The following ARL6IP5 variants were observed in gnomAD, a reference collection of about 807,000 sequenced individuals.
The protein encoded by ARL6IP5 is ARF like GTPase 6 interacting protein 5, also known as PRA1 family protein 3.
In ARL6IP5, 6 loss-of-function variants were observed where a neutral mutation model predicts 13.0. The ratio of observed to expected loss-of-function variants is 0.46; its 90% CI spans 0.25 to 0.91. The LOEUF is 0.91. ARL6IP5 is among the 40% of genes least tolerant of loss of function. The pLI is 0.17. For missense variants in ARL6IP5, 208 were observed against 248.8 expected, an observed-to-expected ratio of 0.84 and a Z score of 1.10; for synonymous variants, 91 against 91.9, an observed-to-expected ratio of 0.99 and a Z score of 0.06.
chr3:69,097,783 G>T (rs2092291520), intron 1 of ARL6IP5, among the ~76,000 whole-genome samples: 2 of 152,228 alleles, frequency 1.3e-5, no homozygotes, highest in Non-Finnish European at 2.9e-5. Flanking sequence ...CATGTGCTGG[G>T]TATTGGGGAA....
intron 1 of ARL6IP5, among the ~76,000 whole-genome samples, chr3:69,092,623 C>T (rs533764534): frequency 6.6e-6 from 1 of 152,120 alleles, no homozygotes; most frequent in Non-Finnish European, 1.5e-5. Context: ...GCACGCACAA[C>T]TATGCCTGGC....
At chr3:69,088,998 G>C (rs1353278704) in intron 1 of ARL6IP5, among the ~76,000 whole-genome samples, 3 of 152,200 alleles carry the variant, frequency 2.0e-5, no homozygotes. Flanking sequence ...CAGTGTGTGA[G>C]CCATGGAACA....
At chr3:69,089,725 T>C in intron 1 of ARL6IP5, 1 of 451,286 alleles carries the variant, frequency 2.2e-6, no homozygotes, top group Non-Finnish European at 4.5e-6. Context: ...ACACAGAATT[T>C]GCAACATATA....
At chr3:69,100,375 G>A (rs879535868) in intron 1 of ARL6IP5, among the ~76,000 whole-genome samples, 8 of 152,134 alleles carry the variant, frequency 5.3e-5, no homozygotes, top group Non-Finnish European at 1.0e-4. Flanking sequence ...GATACTTTGG[G>A]CATTTTAAAA....
At chr3:69,092,740 G>A (rs1326723421) in intron 1 of ARL6IP5, among the ~76,000 whole-genome samples, 3 of 151,626 alleles carry the variant, frequency 2.0e-5, no homozygotes, top group East Asian at 1.9e-4. Context: ...GGCTGGTGTC[G>A]AACTCCTAGC....
At chr3:69,097,885 C>T (rs2092291845) in intron 1 of ARL6IP5, among the ~76,000 whole-genome samples, 8 of 152,148 alleles carry the variant, frequency 5.3e-5, no homozygotes, top group Admixed American at 5.2e-4. Flanking sequence ...AACAGCTTCG[C>T]TGTGGTTCAT....
At chr3:69,086,762 G>A (rs773081666) in intron 1 of ARL6IP5, among the ~76,000 whole-genome samples, 2 of 144,294 alleles carry the variant, frequency 1.4e-5, no homozygotes, top group Non-Finnish European at 3.0e-5. Flanking sequence ...TCGTTCTGTC[G>A]CCCAGGCTGG....
At chr3:69,091,193 C>A (rs963196916) in intron 1 of ARL6IP5, among the ~76,000 whole-genome samples, 4 of 151,932 alleles carry the variant, frequency 2.6e-5, no homozygotes, top group Admixed American at 6.6e-5. Flanking sequence ...GAGTGAGACG[C>A]CGTGTAAAAA....
At position 69,096,089 on chromosome 3, in the gene ARL6IP5, T is replaced by TC. The variant is rs796615850; in HGVS notation, c.177-5750_177-5749insC. Among the ~76,000 whole-genome samples, 15 of 152,276 alleles carry TC rather than the reference T, an allele frequency of 9.9e-5. 1 individual carries two copies. The highest frequency in any genetic ancestry group is 3.6e-4 in the African/African-American group (15 of 41,558). ...CAAATACAGGTAAGTGCCAGGGCAT[T>TC]GGAGTGGTATACATTTTATCAGATA... On this transcript the variant is annotated intron_variant, in intron 1 of 2. Transcript: ENST00000273258.
In ARL6IP5 at chr3:69,085,129, G is replaced by T; in HGVS notation, c.82G>T (p.Asp28Tyr). ...SDRFARPDFR[D>Y]ISKWNNRVVS... is the part of the protein sequence containing the mutation. ...TCGCTTTGCCCGGCCGGACTTCAGG[G>T]ACATTTCCAAATGGAACAACCGCGT... Residue 28 changes from aspartate to tyrosine, a missense_variant, in exon 1 of 3, where the codon GAC becomes TAC. Asp to Tyr is a radical substitution (Grantham distance 160). Transcript: ENST00000273258. 1 of 1,614,228 alleles carries T rather than the reference G, an allele frequency of 6.2e-7. No individual in the cohort carries two copies.
intron 1 of ARL6IP5, among the ~76,000 whole-genome samples, chr3:69,099,139 G>A (rs1003285259): frequency 1.5e-4 from 6 of 40,582 alleles, no homozygotes; most frequent in South Asian, 1.1e-3. Context: ...CGGGGGGGGT[G>A]GGGGGTGGAT....
In ARL6IP5 at chr3:69,105,808, T is replaced by C. The variant is rs1027915842; in HGVS notation, c.*1172T>C. The C allele has an allele frequency of 6.6e-6, 1 of 152,238 alleles. No individual in the cohort carries two copies. Among genetic ancestry groups the C allele is most frequent in the Non-Finnish European group, 1.5e-5 (1 of 68,044 alleles). The allele number at this position is 152,238 out of a possible 1,614,324, so 9.4% of individuals were successfully genotyped here. Reference sequence around the variant, plus strand: ...ATGTTTTGCCTGCCAATTGAATGATTTCGTAGCTGAAGTAGAAACATTTAG... The same window carrying C: ...ATGTTTTGCCTGCCAATTGAATGATCTCGTAGCTGAAGTAGAAACATTTAG... On this transcript the variant is annotated 3_prime_UTR_variant, in exon 3 of 3. Coordinates refer to ENST00000273258, the MANE Select transcript of ARL6IP5 (RefSeq NM_006407.4).
At chr3:69,086,530 A>T (rs1165687421) in intron 1 of ARL6IP5, among the ~76,000 whole-genome samples, 1 of 152,188 alleles carries the variant, frequency 6.6e-6, no homozygotes, top group Non-Finnish European at 1.5e-5. Flanking sequence ...AGGAATTCTT[A>T]AGGAATTGCA....
Position 69,085,298 on chromosome 3 carries a change from A to G in ARL6IP5, c.176+75A>G, listed in dbSNP as rs922240863. Reference sequence around the variant, plus strand: ...GGGCCTCGGGGTGCAAGATCCCGGGATGTAGAGACGCTCTCTGACCACGCT... The same window carrying G: ...GGGCCTCGGGGTGCAAGATCCCGGGGTGTAGAGACGCTCTCTGACCACGCT... On this transcript the variant is annotated intron_variant, in intron 1 of 2. Coordinates refer to ENST00000273258, the MANE Select transcript of ARL6IP5 (RefSeq NM_006407.4). 1.6e-5 allele frequency: 24 copies of G among 1,506,878 alleles called. No homozygotes were observed. In the Admixed American group the frequency reaches 4.7e-4, roughly 29 times the overall value. 93.3% of individuals were successfully genotyped at this position (1,506,878 alleles called of 1,614,324 possible). A position where few individuals can be genotyped will look rare whatever the true frequency, so the allele number is the denominator to read the frequency against.
At chr3:69,104,015 A>G (rs2107516226) in intron 2 of ARL6IP5, among the ~76,000 whole-genome samples, 1 of 152,290 alleles carries the variant, frequency 6.6e-6, no homozygotes, top group Middle Eastern at 3.4e-3. Context: ...GAGGCACTTT[A>G]AAAGTGGACT....
chr3:69,105,350 G>A lies in ARL6IP5; in HGVS notation c.*714G>A, dbSNP rs1003396176. 1 of 152,450 alleles carries A rather than the reference G, an allele frequency of 6.6e-6. No homozygotes were observed. Among genetic ancestry groups the A allele is most frequent in the African/African-American group, 2.4e-5 (1 of 41,400 alleles). The allele number at this position is 152,450 out of a possible 1,614,324, so 9.4% of individuals were successfully genotyped here. On this transcript the variant is annotated 3_prime_UTR_variant, in exon 3 of 3. Coordinates refer to ENST00000273258, the MANE Select transcript of ARL6IP5 (RefSeq NM_006407.4). Reference sequence around the variant, plus strand: ...TATGTAACCTGTATTATTCTGGACGGACTTATTAAAATACAAACAGACAAA... The same window carrying A: ...TATGTAACCTGTATTATTCTGGACGAACTTATTAAAATACAAACAGACAAA...
At chr3:69,090,209 A>G (rs977398576) in intron 1 of ARL6IP5, among the ~76,000 whole-genome samples, 23 of 152,362 alleles carry the variant, frequency 1.5e-4, no homozygotes, top group Non-Finnish European at 3.2e-4. Context: ...ATCTATTGAA[A>G]TGATTGCAGA....
chr3:69,088,683 G>C (rs72924842), intron 1 of ARL6IP5, among the ~76,000 whole-genome samples: 4,443 of 152,310 alleles, frequency 0.029, 179 homozygotes, highest in African/African-American at 0.092. Context: ...TAACAGGCTA[G>C]GAAACTTGCG....
chr3:69,102,313 T>G, intron 2 of ARL6IP5: 1 of 493,370 alleles, frequency 2.0e-6, no homozygotes, highest in Non-Finnish European at 3.7e-6. Flanking sequence ...CATACATTCT[T>G]TTGTTGTTGT....
Sources: gnomAD v4.1 joint callset for allele counts (sites outside exome capture counted in the v4.1 genomes callset) on GRCh38, gnomAD v4.1.1 for gene constraint, MANE v1.5 for transcripts, NCBI Gene and HGNC (gene_info 2026-07-23, HGNC 2026-07-21) for gene names.